The following KDM4D variants were observed in gnomAD, a reference collection of about 807,000 sequenced individuals.
KDM4D encodes lysine demethylase 4D.
For missense variants in KDM4D, 427 were observed against 674.8 expected (o/e 0.63, Z 4.07); for synonymous variants, 254 against 249.1 (o/e 1.02, Z -0.19).
Position 94,999,202 on chromosome 11 carries a change from G to C in KDM4D, c.*258G>C. On this transcript the variant is annotated 3_prime_UTR_variant, in exon 3 of 3. Coordinates refer to ENST00000335080, the MANE Select transcript of KDM4D (RefSeq NM_018039.3). Reference sequence around the variant, plus strand: ...TCTGCAGCTGAGGTTTTATCCACTGGACACATTTGTGTGTGAGAACTAGGT... The same window carrying C: ...TCTGCAGCTGAGGTTTTATCCACTGCACACATTTGTGTGTGAGAACTAGGT... The C allele has an allele frequency of 3.0e-6, 1 of 329,368 alleles. No individual in the cohort carries two copies. Among genetic ancestry groups the C allele is most frequent in the African/African-American group, 2.1e-5 (1 of 46,926 alleles). 20.4% of individuals were successfully genotyped at this position (329,368 alleles called of 1,614,324 possible).
At chr11:94,984,231 A>G (rs1268730949) in intron 2 of KDM4D, among the ~76,000 whole-genome samples, 3 of 152,200 alleles carry the variant, frequency 2.0e-5, no homozygotes, top group Non-Finnish European at 2.9e-5. Context: ...ACAGTGGCTC[A>G]TGCCTGTAAC....
chr11:94,989,642 C>T (rs587704222), intron 2 of KDM4D, among the ~76,000 whole-genome samples: 1 of 152,226 alleles, frequency 6.6e-6, no homozygotes, highest in African/African-American at 2.4e-5. Flanking sequence ...TATATCCACA[C>T]TCCTCTAGAT....
rs1296322662 is a variant in KDM4D, at chr11:94,999,227, T to A, written c.*283T>A. 7.3e-6 allele frequency: 2 copies of A among 275,744 alleles called. No homozygotes were observed. Among genetic ancestry groups the A allele is most frequent in the East Asian group, 1.4e-4 (2 of 14,286 alleles). The allele number at this position is 275,744 out of a possible 1,614,324, so 17.1% of individuals were successfully genotyped here. ...GACACATTTGTGTGTGAGAACTAGGTCTTGTTGAGGTTAGCGTAACCTGGT... is the reference window on the plus strand; with the variant it reads ...GACACATTTGTGTGTGAGAACTAGGACTTGTTGAGGTTAGCGTAACCTGGT... On this transcript the variant is annotated 3_prime_UTR_variant, in exon 3 of 3. Transcript: ENST00000335080.
rs139616818 is a variant in KDM4D, at chr11:94,997,666, G to T, written c.294G>T (p.Val98=). 2.7e-4 allele frequency: 430 copies of T among 1,614,202 alleles called. 1 individual carries two copies. The African/African-American group carries it at 5.2e-3, about 20-fold the overall frequency. Residue 98 remains valine (V), a synonymous_variant, in exon 3 of 3, where the codon GTG becomes GTT. Transcript: ENST00000335080. ...QYHKKKKAMT[V]GEYRHLANSK... ...ATAAAAAAAAGAAAGCCATGACTGT[G>T]GGGGAGTATCGCCATTTGGCAAACA...
chr11:94,985,681 C>A (rs12803847), intron 2 of KDM4D, among the ~76,000 whole-genome samples: 5,436 of 151,894 alleles, frequency 0.036, 139 homozygotes, highest in Non-Finnish European at 0.053. Context: ...TATTTCAGAC[C>A]TTACTACAGA....
At chr11:94,994,361 A>G (rs1857959676) in intron 2 of KDM4D, among the ~76,000 whole-genome samples, 1 of 152,336 alleles carries the variant, frequency 6.6e-6, no homozygotes, top group Middle Eastern at 3.4e-3. Context: ...GGAGAGCAGA[A>G]GCTTAGGAGA....
intron 2 of KDM4D, among the ~76,000 whole-genome samples, chr11:94,995,134 T>G (rs1228200056): frequency 1.3e-5 from 2 of 152,176 alleles, no homozygotes; most frequent in African/African-American, 4.8e-5. Flanking sequence ...AACACAATAG[T>G]GAACAAGACA....
intron 2 of KDM4D, among the ~76,000 whole-genome samples, chr11:94,994,997 G>C (rs1351942753): frequency 1.3e-5 from 2 of 152,132 alleles, no homozygotes; most frequent in Non-Finnish European, 2.9e-5. Context: ...TCTCCTGAGA[G>C]GACGGAGAAC....
chr11:94,978,382 C>T (rs1857816243), intron 2 of KDM4D, among the ~76,000 whole-genome samples: 1 of 151,996 alleles, frequency 6.6e-6, no homozygotes, highest in South Asian at 2.1e-4. Context: ...AAATTTTTAA[C>T]CTGAAAATGA....
At chr11:94,976,659 T>A (rs1317865828) in intron 2 of KDM4D, among the ~76,000 whole-genome samples, 2 of 152,222 alleles carry the variant, frequency 1.3e-5, no homozygotes, top group Non-Finnish European at 2.9e-5. Flanking sequence ...AAAAAGGCTC[T>A]TTCATTTTAG....
Position 94,998,671 on chromosome 11 carries a change from A to G in KDM4D, c.1299A>G (p.Pro433=). The change falls in exon 3 of 3, where the codon CCA becomes CCG. Residue 433 remains proline (P), a synonymous_variant. Coordinates refer to ENST00000335080, the MANE Select transcript of KDM4D (RefSeq NM_018039.3). This position sits in a 1 kb window ranked among gnomAD's most constrained non-coding sequence, Gnocchi z 6.7. ...VHSSKKPSST[P]SSTPGPSAQI... ...GCTCTAAGAAGCCCAGCTCAACTCC[A>G]TCATCCACCCCTGGTCCATCTGCAC... 1.2e-6 allele frequency: 2 copies of G among 1,614,190 alleles called. No homozygotes were observed. The highest frequency in any genetic ancestry group is 1.3e-5 in the African/African-American group (1 of 75,062).
chr11:94,996,188 C>T (rs1857974537), intron 2 of KDM4D, among the ~76,000 whole-genome samples: 1 of 152,048 alleles, frequency 6.6e-6, no homozygotes, highest in African/African-American at 2.4e-5. Flanking sequence ...TCTTAGTTGT[C>T]TTTAACGCTT....
chr11:94,975,003 G>A (rs1031061263), intron 1 of KDM4D, among the ~76,000 whole-genome samples: 1 of 152,116 alleles, frequency 6.6e-6, no homozygotes, highest in African/African-American at 2.4e-5. Context: ...GAGACCCCAC[G>A]GAGTCTGGTT....
intron 2 of KDM4D, among the ~76,000 whole-genome samples, chr11:94,988,232 C>G (rs1269366793): frequency 1.3e-5 from 2 of 152,138 alleles, no homozygotes; most frequent in African/African-American, 4.8e-5. Flanking sequence ...TAGAATTCAG[C>G]AGAACAATGT....
chr11:94,991,787 A>T (rs1857936829), intron 2 of KDM4D, among the ~76,000 whole-genome samples: 1 of 151,764 alleles, frequency 6.6e-6, no homozygotes, highest in Non-Finnish European at 1.5e-5. Flanking sequence ...GAGTAGAGGA[A>T]ATCAAAGAAA....
intron 2 of KDM4D, among the ~76,000 whole-genome samples, chr11:94,979,735 A>G (rs1185278820): frequency 2.0e-5 from 3 of 152,178 alleles, no homozygotes; most frequent in African/African-American, 7.2e-5. Flanking sequence ...TCTAGTAATT[A>G]TCTTTTCGTT....
At chr11:94,983,048 T>G (rs1857855119) in intron 2 of KDM4D, among the ~76,000 whole-genome samples, 2 of 152,008 alleles carry the variant, frequency 1.3e-5, no homozygotes, top group African/African-American at 2.4e-5. Context: ...CCAAGATAAT[T>G]TTGAAAAAAG....
chr11:94,999,084 A>T lies in KDM4D; in HGVS notation c.*140A>T. The stretch of plus-strand genomic sequence containing the variant: ...AGAGCCCCCCTGGTGATGCCCTTGG[A>T]TGCTGCCAAGTCCATGGTAGTTTTC... On this transcript the variant is annotated 3_prime_UTR_variant, in exon 3 of 3. Transcript: ENST00000335080. 4.1e-6 allele frequency: 3 copies of T among 738,688 alleles called. No homozygotes were observed. The Middle Eastern group carries it at 1.3e-3, about 315-fold the overall frequency. 45.8% of individuals were successfully genotyped at this position (738,688 alleles called of 1,614,324 possible).
chr11:94,997,226 A>C lies in KDM4D; in HGVS notation c.-147A>C. The C allele has an allele frequency of 5.9e-5, 29 of 492,542 alleles. No individual in the cohort carries two copies. Among genetic ancestry groups the C allele is most frequent in the Non-Finnish European group, 7.3e-5 (22 of 299,460 alleles). The allele number at this position is 492,542 out of a possible 1,614,324, so 30.5% of individuals were successfully genotyped here. Reference sequence around the variant, plus strand: ...TGAATAAACAAGCCCAAGAAAGATTATCATCTCATTTGCAAAAAAAAAAGT... The same window carrying C: ...TGAATAAACAAGCCCAAGAAAGATTCTCATCTCATTTGCAAAAAAAAAAGT... On this transcript the variant is annotated 5_prime_UTR_variant, in exon 3 of 3. Coordinates refer to ENST00000335080, the MANE Select transcript of KDM4D (RefSeq NM_018039.3).
Sources: gnomAD v4.1 joint callset for allele counts (sites outside exome capture counted in the v4.1 genomes callset) on GRCh38, gnomAD v4.1.1 for gene constraint, Gnocchi (gnomAD v3.1) non-coding constraint, MANE v1.5 for transcripts, NCBI Gene and HGNC (gene_info 2026-07-23, HGNC 2026-07-21) for gene names.